The following GAD1 variants were observed in gnomAD, a reference collection of about 807,000 sequenced individuals.
The protein encoded by GAD1 is 67 kDa glutamic acid decarboxylase.
In GAD1, 35 loss-of-function variants were observed where a neutral mutation model predicts 75.2. That is an observed-to-expected ratio of 0.47 (90% CI 0.36 to 0.62). The LOEUF is 0.62. GAD1 is among the 20% of genes least tolerant of loss of function. The pLI, the probability that GAD1 is intolerant of heterozygous loss-of-function variation, is 0.00. For missense variants in GAD1, 490 were observed against 758.5 expected, an observed-to-expected ratio of 0.65 and a Z score of 4.16; for synonymous variants, 257 against 271.9, an observed-to-expected ratio of 0.95 and a Z score of 0.54.
At chr2:170,822,686 TCCAC>T (rs1701921197) in intron 3 of GAD1, among the ~76,000 whole-genome samples, 1 of 152,242 alleles carries the variant, frequency 6.6e-6, no homozygotes, top group Non-Finnish European at 1.5e-5. Context: ...AAGTGGTCTC[TCCAC>T]CTTGAGGGGT....
chr2:170,837,978 A>G (rs1162241493), intron 6 of GAD1, among the ~76,000 whole-genome samples: 1 of 152,230 alleles, frequency 6.6e-6, no homozygotes, highest in Admixed American at 6.5e-5. Flanking sequence ...TTAAAATTAT[A>G]TAGTGACCCA....
chr2:170,842,536 C>A, intron 6 of GAD1: 1 of 1,605,102 alleles, frequency 6.2e-7, no homozygotes, highest in Non-Finnish European at 8.5e-7. Context: ...ACAGGCTAAA[C>A]CAGGAATCCT....
In GAD1 at chr2:170,816,917, A is replaced by G; in HGVS notation, c.-195A>G. On this transcript the variant is annotated 5_prime_UTR_variant, in exon 1 of 17. Transcript: ENST00000358196. ...CTCCTGGCGCTCGCGTGCGAGAGGG[A>G]ACTAGCGAGAACGAGGAAGCAGCTG... 1 of 176,152 alleles carries G rather than the reference A, an allele frequency of 5.7e-6. No individual in the cohort carries two copies. Among genetic ancestry groups the G allele is most frequent in the Non-Finnish European group, 1.2e-5 (1 of 83,546 alleles). 10.9% of individuals were successfully genotyped at this position (176,152 alleles called of 1,614,324 possible).
chr2:170,833,343 GA>G (rs1702289990), intron 5 of GAD1, among the ~76,000 whole-genome samples: 1 of 152,198 alleles, frequency 6.6e-6, no homozygotes, highest in African/African-American at 2.4e-5. Flanking sequence ...ATGACTGATG[GA>G]TACACAAGAC....
intron 3 of GAD1, among the ~76,000 whole-genome samples, chr2:170,826,861 C>T (rs1169470625): frequency 1.3e-5 from 2 of 152,196 alleles, no homozygotes; most frequent in African/African-American, 2.4e-5. Context: ...GAGGAGCAGT[C>T]TCAGAGTTCA....
intron 14 of GAD1, 66 bp downstream of exon 14, chr2:170,854,088 G>C: frequency 6.5e-7 from 1 of 1,539,784 alleles, no homozygotes; most frequent in South Asian, 1.1e-5. Flanking sequence ...TGGCAAAAGA[G>C]GGGCAAAGAT....
intron 14 of GAD1, among the ~76,000 whole-genome samples, chr2:170,856,216 C>A (rs1022789825): frequency 2.1e-4 from 32 of 152,342 alleles, no homozygotes; most frequent in Admixed American, 1.1e-3. Flanking sequence ...AACACCGACC[C>A]ACTCAACAAC....
In GAD1 at chr2:170,831,634, GTA is replaced by G. The variant is rs1553576167; in HGVS notation, c.547+447_547+448del. Reference sequence around the variant, plus strand: ...TGTGTGTGTGTGTGTGTGTGTGTGTGTATATACCTATTTTTATATATAAATAT... The same window carrying G: ...TGTGTGTGTGTGTGTGTGTGTGTGTGTATACCTATTTTTATATATAAATAT... On this transcript the variant is annotated intron_variant, in intron 5 of 16. Coordinates refer to ENST00000358196, the MANE Select transcript of GAD1 (RefSeq NM_000817.3). 3.8e-3 allele frequency among the ~76,000 whole-genome samples: 504 copies of G among 132,104 alleles called. 10 individuals carry two copies. The highest frequency in any genetic ancestry group is 6.0e-3 in the Non-Finnish European group (384 of 63,482). The allele number at this position is 132,104 out of a possible 152,430, so 86.7% of individuals were successfully genotyped here.
intron 6 of GAD1, among the ~76,000 whole-genome samples, chr2:170,842,076 T>A (rs1226795344): frequency 6.6e-6 from 1 of 152,184 alleles, no homozygotes; most frequent in Non-Finnish European, 1.5e-5. Flanking sequence ...CATGATAAAC[T>A]CTCTAGACTC....
chr2:170,845,890 C>A, intron 9 of GAD1, 105 bp downstream of exon 9: 2 of 1,444,844 alleles, frequency 1.4e-6, no homozygotes, highest in Non-Finnish European at 1.9e-6. Context: ...TTGTGCCAAG[C>A]TGCTAATGGT....
chr2:170,833,217 A>T (rs1044301090), intron 5 of GAD1, among the ~76,000 whole-genome samples: 1 of 152,246 alleles, frequency 6.6e-6, no homozygotes, highest in Non-Finnish European at 1.5e-5. Flanking sequence ...TTGGATGTCA[A>T]AAACAAAGTG....
chr2:170,826,076 C>T (rs1702018819), intron 3 of GAD1, among the ~76,000 whole-genome samples: 1 of 152,282 alleles, frequency 6.6e-6, no homozygotes, highest in East Asian at 1.9e-4. Flanking sequence ...TTTTAGAGAA[C>T]AAACACCTTC....
At chr2:170,844,846 C>G (rs1702597591) in intron 7 of GAD1, among the ~76,000 whole-genome samples, 1 of 152,184 alleles carries the variant, frequency 6.6e-6, no homozygotes, top group South Asian at 2.1e-4. Context: ...CTAGGTAATT[C>G]AAGCAGACCA....
Position 170,818,488 on chromosome 2 carries a change from C to A in GAD1, c.-63-41C>A. On this transcript the variant is annotated intron_variant, in intron 1 of 16. Transcript: ENST00000358196. This position sits in a 1 kb window ranked among gnomAD's most constrained non-coding sequence, Gnocchi z 5.9. The stretch of plus-strand genomic sequence containing the variant: ...GCTCAGTCCCTCCGGTGTGCAGGAC[C>A]CCGGAAGTCCTCCCCGCACAGCTCT... The A allele has an allele frequency of 9.4e-7, 1 of 1,063,486 alleles. No homozygotes were observed. Among genetic ancestry groups the A allele is most frequent in the Non-Finnish European group, 1.5e-6 (1 of 679,238 alleles). The allele number at this position is 1,063,486 out of a possible 1,614,324, so 65.9% of individuals were successfully genotyped here. A position where few individuals can be genotyped will look rare whatever the true frequency, so the allele number is the denominator to read the frequency against.
intron 3 of GAD1, among the ~76,000 whole-genome samples, chr2:170,827,714 C>T (rs1702057952): frequency 6.6e-6 from 1 of 152,154 alleles, no homozygotes. Flanking sequence ...GCATTTGTCA[C>T]CATCTGCCAG....
At chr2:170,835,348 C>A (rs550275921) in intron 5 of GAD1, among the ~76,000 whole-genome samples, 105 of 152,238 alleles carry the variant, frequency 6.9e-4, no homozygotes, top group African/African-American at 2.5e-3. Flanking sequence ...GAAAACTTTG[C>A]TTTAAAAAAT....
intron 5 of GAD1, among the ~76,000 whole-genome samples, chr2:170,835,397 A>AGCGGCCCAGCACCATATCTATCATCT (rs1341055565): frequency 1.3e-5 from 2 of 152,190 alleles, no homozygotes; most frequent in African/African-American, 2.4e-5. Context: ...TTAGGCCATG[A>AGCGGCCCAGCACCATATCTATCATCT]GCGGCCCAGC....
chr2:170,827,815 G>C (rs1702059637), intron 3 of GAD1, among the ~76,000 whole-genome samples: 1 of 152,156 alleles, frequency 6.6e-6, no homozygotes, highest in Non-Finnish European at 1.5e-5. Flanking sequence ...TTGTACAACA[G>C]GTGCTCAATA....
In GAD1 at chr2:170,845,795, G is replaced by A. The variant is rs1194476808; in HGVS notation, c.947+10G>A. On this transcript the variant is annotated intron_variant, in intron 9 of 16. Transcript: ENST00000358196. ...TAAAGTGCAATGAAAGGTAGGCAGG[G>A]GAGGGTGAATATTAGGTTCTTGATG... 6.2e-6 allele frequency: 10 copies of A among 1,612,984 alleles called. No homozygotes were observed. Among genetic ancestry groups the A allele is most frequent in the South Asian group, 2.2e-5 (2 of 91,060 alleles).
Sources: allele counts gnomAD v4.1 joint callset (sites outside exome capture counted in the v4.1 genomes callset), GRCh38; gene constraint gnomAD v4.1.1; non-coding constraint Gnocchi (gnomAD v3.1); transcripts MANE v1.5; gene names NCBI Gene and HGNC (gene_info 2026-07-23, HGNC 2026-07-21).